The following SHANK2 variants were observed in gnomAD, a reference collection of about 807,000 sequenced individuals.
The protein encoded by SHANK2 is SH3 and multiple ankyrin repeat domains protein 2.
In SHANK2, 43 loss-of-function variants were observed where a neutral mutation model predicts 133.7. That is an observed-to-expected ratio of 0.32 (90% CI 0.25 to 0.41). SHANK2 has a LOEUF of 0.41. Ranked by LOEUF, SHANK2 falls within the 10% of genes least tolerant of loss-of-function variation. The probability of loss-of-function intolerance (pLI) is 1.00; values close to 1 mark genes in which losing one functional copy is unlikely to be tolerated. For missense variants in SHANK2, 1,994 were observed against 2,235.8 expected (o/e 0.89, Z 2.18); for synonymous variants, 1,017 against 952.8 (o/e 1.07, Z -1.24).
At chr11:70,808,173 G>A (rs1555052440) in intron 12 of SHANK2, among the ~76,000 whole-genome samples, 1 of 152,074 alleles carries the variant, frequency 6.6e-6, no homozygotes, top group African/African-American at 2.4e-5. Context: ...TAAATTTGAT[G>A]TTACACCTAT....
chr11:70,632,119 C>T (rs989260046), intron 17 of SHANK2, among the ~76,000 whole-genome samples: 3 of 151,994 alleles, frequency 2.0e-5, no homozygotes, highest in Non-Finnish European at 4.4e-5. Flanking sequence ...GTGGACTGAG[C>T]GGACATTTTT....
rs781484818 is a variant in SHANK2, at chr11:70,506,638, G to A, written c.2062-3707C>T. 4.6e-5 allele frequency among the ~76,000 whole-genome samples: 7 copies of A among 152,176 alleles called. No individual in the cohort carries two copies. In the South Asian group the frequency reaches 8.3e-4, roughly 18 times the overall value. ...AGCCACTTCCAAACAAAGTTGCTTT[G>A]GACGAGCTTCCCTGCAGTCCCAGCT... On this transcript the variant is annotated intron_variant, in intron 17 of 25. Transcript: ENST00000601538.
At chr11:71,217,480 G>A (rs1954437543) in intron 2 of SHANK2, among the ~76,000 whole-genome samples, 2 of 152,138 alleles carry the variant, frequency 1.3e-5, no homozygotes, top group South Asian at 4.2e-4. Flanking sequence ...CTCCAGCCTG[G>A]GCAACAGAGC....
intron 17 of SHANK2, among the ~76,000 whole-genome samples, chr11:70,512,202 T>C (rs1253258626): frequency 2.6e-5 from 4 of 152,234 alleles, no homozygotes; most frequent in Non-Finnish European, 5.9e-5. Context: ...CCCTGAATTC[T>C]ACCTGCCAGC....
intron 2 of SHANK2, among the ~76,000 whole-genome samples, chr11:71,198,282 T>G (rs1555116527): frequency 6.6e-6 from 1 of 152,184 alleles, no homozygotes; most frequent in Non-Finnish European, 1.5e-5. Context: ...ATGTTGTGGC[T>G]GGTGCTGGGG....
chr11:70,656,460 C>T (rs1460200958), intron 17 of SHANK2, among the ~76,000 whole-genome samples: 6 of 152,160 alleles, frequency 3.9e-5, no homozygotes, highest in African/African-American at 9.7e-5. Context: ...GCAGGTCCCA[C>T]GGGCATTCTC....
chr11:71,248,431 C>T (rs1056981232), intron 1 of SHANK2, among the ~76,000 whole-genome samples: 4 of 152,202 alleles, frequency 2.6e-5, no homozygotes, highest in Admixed American at 6.5e-5. Flanking sequence ...ATTTAACCAC[C>T]GGGCGGTGTG....
At chr11:71,104,379 C>G (rs187009155) in intron 6 of SHANK2, among the ~76,000 whole-genome samples, 8 of 152,308 alleles carry the variant, frequency 5.3e-5, no homozygotes, top group African/African-American at 1.9e-4. Flanking sequence ...CATCCTGCAT[C>G]TCTGAAGCCC....
intron 11 of SHANK2, among the ~76,000 whole-genome samples, chr11:70,856,004 T>A (rs1949164354): frequency 6.6e-6 from 1 of 151,466 alleles, no homozygotes; most frequent in Non-Finnish European, 1.5e-5. Flanking sequence ...GATGGATGGA[T>A]GGAAAGACAG....
At chr11:70,863,303 C>T in intron 11 of SHANK2, 1 of 458,060 alleles carries the variant, frequency 2.2e-6, no homozygotes, top group South Asian at 1.5e-5. Flanking sequence ...AGCACCAGAA[C>T]CTGAGCTGAT....
intron 14 of SHANK2, among the ~76,000 whole-genome samples, chr11:70,772,017 T>A (rs1317197881): frequency 1.3e-5 from 2 of 152,142 alleles, no homozygotes; most frequent in East Asian, 3.9e-4. Flanking sequence ...GAACCCACTG[T>A]GTAAGCTGTG....
chr11:70,636,578 AATGT>A (rs781478796), intron 17 of SHANK2, among the ~76,000 whole-genome samples: 62,395 of 132,120 alleles, frequency 0.47, 13,520 homozygotes, highest in Middle Eastern at 0.56. Flanking sequence ...TGTGTGTATG[AATGT>A]GAGTCTGTGT....
intron 14 of SHANK2, among the ~76,000 whole-genome samples, chr11:70,750,829 C>G (rs1194205578): frequency 2.0e-5 from 3 of 152,164 alleles, no homozygotes; most frequent in Non-Finnish European, 4.4e-5. Flanking sequence ...GGGTTAGAAG[C>G]TCATTTGACG....
intron 17 of SHANK2, among the ~76,000 whole-genome samples, chr11:70,578,197 G>T (rs1365051791): frequency 1.3e-5 from 2 of 152,228 alleles, no homozygotes; most frequent in African/African-American, 4.8e-5. Flanking sequence ...GCGGCCTACA[G>T]ATACGGCGCC....
At chr11:71,116,324 G>A (rs1951977465) in intron 4 of SHANK2, among the ~76,000 whole-genome samples, 1 of 152,244 alleles carries the variant, frequency 6.6e-6, no homozygotes. Flanking sequence ...TGTTGTGCAG[G>A]AGTAGAAATG....
At chr11:70,504,514 G>A (rs562094056) in intron 17 of SHANK2, among the ~76,000 whole-genome samples, 27 of 152,200 alleles carry the variant, frequency 1.8e-4, no homozygotes, top group Non-Finnish European at 3.8e-4. Flanking sequence ...CTGTGGGACC[G>A]GCTCATTCCC....
At chr11:71,104,238 T>C (rs72957640) in intron 6 of SHANK2, among the ~76,000 whole-genome samples, 37,589 of 152,012 alleles carry the variant, frequency 0.25, 5,042 homozygotes, top group South Asian at 0.33. Flanking sequence ...AGAGGTTCAT[T>C]AACCTGGTCT....
intron 14 of SHANK2, among the ~76,000 whole-genome samples, chr11:70,704,825 C>G (rs912675338): frequency 6.6e-6 from 1 of 152,212 alleles, no homozygotes; most frequent in Non-Finnish European, 1.5e-5. Context: ...TCAAATACTT[C>G]TGGCTTTCCA....
intron 17 of SHANK2, among the ~76,000 whole-genome samples, chr11:70,656,159 A>G (rs1199980513): frequency 6.6e-6 from 1 of 152,210 alleles, no homozygotes; most frequent in African/African-American, 2.4e-5. Context: ...GTGGGAGTGA[A>G]GGGGCCTAAT....
Sources: gnomAD v4.1 joint callset for allele counts (sites outside exome capture counted in the v4.1 genomes callset) on GRCh38, gnomAD v4.1.1 for gene constraint, MANE v1.5 for transcripts, NCBI Gene and HGNC (gene_info 2026-07-23, HGNC 2026-07-21) for gene names.